Variants in NUAK1 observed in about 807,000 individuals in gnomAD.
NUAK1 encodes the protein NUAK family kinase 1, also known as NUAK family SNF1-like kinase 1.
In NUAK1, 26 loss-of-function variants were observed where a neutral mutation model predicts 56.9. That is an observed-to-expected ratio of 0.46 (90% CI 0.33 to 0.63). NUAK1 has a LOEUF of 0.63. Ranked by LOEUF, NUAK1 falls within the 30% of genes least tolerant of loss-of-function variation. The pLI is 0.02. For synonymous variants in NUAK1, 337 were observed against 336.0 expected (o/e 1.00, Z -0.03); for missense variants, 727 against 876.1 (o/e 0.83, Z 2.15).
chr12:106,121,870 T>G (rs1466911149), intron 1 of NUAK1, among the ~76,000 whole-genome samples: 1 of 152,104 alleles, frequency 6.6e-6, no homozygotes, highest in Non-Finnish European at 1.5e-5. Flanking sequence ...CACACACACA[T>G]GCACACACCC....
intron 2 of NUAK1, among the ~76,000 whole-genome samples, chr12:106,098,331 T>C (rs923755860): frequency 6.6e-6 from 1 of 152,174 alleles, no homozygotes; most frequent in African/African-American, 2.4e-5. Context: ...ATAACTTATC[T>C]TCTCGTGGGC....
rs1297627630 is a variant in NUAK1, at chr12:106,138,866, C to G, written c.-213G>C. The G allele has an allele frequency of 7.4e-6, 4 of 542,592 alleles. No homozygotes were observed. The highest frequency in any genetic ancestry group is 1.1e-5 in the Non-Finnish European group (4 of 356,008). The allele number at this position is 542,592 out of a possible 1,614,324, so 33.6% of individuals were successfully genotyped here. A position where few individuals can be genotyped will look rare whatever the true frequency, so the allele number is the denominator to read the frequency against. ...CGGCGCGCACGGTCCGCGCACCGCC[C>G]CCCGGCCGCGGCGAGCTGTGGAGCG... is the stretch of plus-strand genomic sequence containing the variant. On this transcript the variant is annotated 5_prime_UTR_variant, in exon 1 of 7. Coordinates refer to ENST00000261402, the MANE Select transcript of NUAK1 (RefSeq NM_014840.3). The surrounding 1 kb of genome is among the most constrained non-coding windows in gnomAD (Gnocchi z 5.0).
At chr12:106,108,875 C>T (rs770827475) in intron 1 of NUAK1, among the ~76,000 whole-genome samples, 6 of 152,194 alleles carry the variant, frequency 3.9e-5, no homozygotes, top group South Asian at 2.1e-4. Flanking sequence ...ATGGTGCAAT[C>T]GCCAGGGGAT....
intron 1 of NUAK1, among the ~76,000 whole-genome samples, chr12:106,107,745 CAAG>C (rs1338898818): frequency 3.3e-5 from 5 of 152,196 alleles, no homozygotes; most frequent in African/African-American, 1.2e-4. Context: ...AGCTCTCCAC[CAAG>C]CACTACAAAC....
chr12:106,066,629 C>G lies in NUAK1; in HGVS notation c.*173G>C. ...CAATTGACAGAACTGGCAGAAGAGC[C>G]CACCTCTCCCTTTTAGGTGTTGGCT... is the stretch of plus-strand genomic sequence containing the variant. On this transcript the variant is annotated 3_prime_UTR_variant, in exon 7 of 7. Coordinates refer to ENST00000261402, the MANE Select transcript of NUAK1 (RefSeq NM_014840.3). 1.5e-6 allele frequency: 1 copy of G among 656,990 alleles called. No individual in the cohort carries two copies. The highest frequency in any genetic ancestry group is 2.7e-6 in the Non-Finnish European group (1 of 374,198). The allele number at this position is 656,990 out of a possible 1,614,324, so 40.7% of individuals were successfully genotyped here.
chr12:106,067,664 T>A lies in NUAK1; in HGVS notation c.1124A>T (p.Asn375Ile). ...ATCCTGACCAGACTGAGCAAAGTCA[T>A]TCTCTTTCTTGGATTTCTTCAGCGA... ...QRSLKKSKKE[N>I]DFAQSGQDAV... Residue 375 changes from asparagine to isoleucine, a missense_variant, in exon 7 of 7, where the codon AAT becomes ATT. By Grantham distance (149) the Asn-to-Ile change is moderately radical. Transcript: ENST00000261402. The surrounding 1 kb of genome is among the most constrained non-coding windows in gnomAD (Gnocchi z 6.0). 1 of 1,614,234 alleles carries A rather than the reference T, an allele frequency of 6.2e-7. No individual in the cohort carries two copies. The highest frequency in any genetic ancestry group is 8.5e-7 in the Non-Finnish European group (1 of 1,180,032).
chr12:106,123,537 A>G (rs1207832963), intron 1 of NUAK1, among the ~76,000 whole-genome samples: 1 of 152,172 alleles, frequency 6.6e-6, no homozygotes. Context: ...GGAAATTACA[A>G]CAAAAGGCAA....
chr12:106,108,742 A>G (rs2032829899), intron 1 of NUAK1, among the ~76,000 whole-genome samples: 1 of 152,152 alleles, frequency 6.6e-6, no homozygotes, highest in South Asian at 2.1e-4. Flanking sequence ...CTCTATTGTC[A>G]AGTTACAATA....
Position 106,083,902 on chromosome 12 carries a change from G to A in NUAK1, c.541C>T (p.Leu181=), listed in dbSNP as rs2032544669. Residue 181 remains leucine, a synonymous_variant, in exon 4 of 7, where the codon CTG becomes TTG. Transcript: ENST00000261402. ...TTGTCATCGAGCAGTATATTTTCCA[G>A]CTTCAAGTCCCGGTGGACCACACCG... is the stretch of plus-strand genomic sequence containing the variant. ...KNGVVHRDLK[L]ENILLDDNCN... is the part of the protein sequence containing the mutation. 12 of 1,614,112 alleles carry A rather than the reference G, an allele frequency of 7.4e-6. No homozygotes were observed. The East Asian group carries it at 2.7e-4, about 36-fold the overall frequency.
At chr12:106,115,021 T>G (rs372163019) in intron 1 of NUAK1, among the ~76,000 whole-genome samples, 1 of 152,244 alleles carries the variant, frequency 6.6e-6, no homozygotes, top group Non-Finnish European at 1.5e-5. Context: ...GAAGACTGAT[T>G]TAATATCACC....
In NUAK1 at chr12:106,138,324, C is replaced by T; in HGVS notation, c.240+90G>A. The T allele has an allele frequency of 2.0e-6, 3 of 1,480,758 alleles. No individual in the cohort carries two copies. In the South Asian group the frequency reaches 4.1e-5, roughly 20 times the overall value. 91.7% of individuals were successfully genotyped at this position (1,480,758 alleles called of 1,614,324 possible). A position where few individuals can be genotyped will look rare whatever the true frequency, so the allele number is the denominator to read the frequency against. ...AGCCCCCTCTCTGTCAAGAGAGCCC[C>T]AGGGCGCACAGACCCCCGCCTCGCA... On this transcript the variant is annotated intron_variant, in intron 1 of 6. Coordinates refer to ENST00000261402, the MANE Select transcript of NUAK1 (RefSeq NM_014840.3). The surrounding 1 kb of genome is among the most constrained non-coding windows in gnomAD (Gnocchi z 5.0).
chr12:106,129,981 T>C (rs926275416), intron 1 of NUAK1, among the ~76,000 whole-genome samples: 6 of 152,144 alleles, frequency 3.9e-5, no homozygotes, highest in African/African-American at 1.4e-4. Flanking sequence ...TCATTCCTTT[T>C]TTTTTTCTCT....
rs1458958342 is a variant in NUAK1 at position 106,067,848 on chromosome 12, C to T, written c.940G>A (p.Val314Met). 11 of 1,614,212 alleles carry T rather than the reference C, an allele frequency of 6.8e-6. No homozygotes were observed. The highest frequency in any genetic ancestry group is 4.0e-5 in the African/African-American group (3 of 75,054). The change falls in exon 7 of 7, where the codon GTG becomes ATG. Residue 314 changes from valine to methionine, a missense_variant. Val to Met is a conservative substitution (Grantham distance 21, BLOSUM62 1). Transcript: ENST00000261402. The surrounding 1 kb of genome is among the most constrained non-coding windows in gnomAD (Gnocchi z 6.0). ...WWVNWGYKSS[V>M]CDCDALHDSE... The stretch of plus-strand genomic sequence containing the variant: ...TCATGGAGGGCATCACAGTCACACA[C>T]GCTGCTCTTATAGCCCCAGTTCACC...
At chr12:106,126,443 T>C (rs1592863402) in intron 1 of NUAK1, among the ~76,000 whole-genome samples, 1 of 152,320 alleles carries the variant, frequency 6.6e-6, no homozygotes, top group East Asian at 1.9e-4. Flanking sequence ...ACATGGGTTG[T>C]ATTCCTGCCA....
At chr12:106,102,674 G>A (rs1312226765) in intron 2 of NUAK1, among the ~76,000 whole-genome samples, 1 of 152,128 alleles carries the variant, frequency 6.6e-6, no homozygotes, top group African/African-American at 2.4e-5. Flanking sequence ...GAGCTTACCA[G>A]ATACATGTAT....
At chr12:106,072,175 C>T (rs991723893) in intron 5 of NUAK1, among the ~76,000 whole-genome samples, 2 of 147,938 alleles carry the variant, frequency 1.4e-5, no homozygotes, top group African/African-American at 5.2e-5. Flanking sequence ...AAGATATTTA[C>T]CCCAGAGTGA....
intron 1 of NUAK1, among the ~76,000 whole-genome samples, chr12:106,108,329 G>T (rs780745262): frequency 2.0e-5 from 3 of 152,176 alleles, no homozygotes; most frequent in Non-Finnish European, 2.9e-5. Context: ...AAACCCAGGG[G>T]CAGGCTCCAC....
At chr12:106,133,961 C>A (rs1294052242) in intron 1 of NUAK1, among the ~76,000 whole-genome samples, 1 of 152,144 alleles carries the variant, frequency 6.6e-6, no homozygotes, top group Non-Finnish European at 1.5e-5. Context: ...TCGAACTGAA[C>A]AGAATTAGTT....
intron 2 of NUAK1, among the ~76,000 whole-genome samples, chr12:106,094,025 T>C (rs1043462816): frequency 6.6e-6 from 1 of 151,656 alleles, no homozygotes; most frequent in Non-Finnish European, 1.5e-5. Context: ...CCCAGGCTGG[T>C]CTCAAACTCC....
Sources: gnomAD v4.1 joint callset for allele counts (sites outside exome capture counted in the v4.1 genomes callset) on GRCh38, gnomAD v4.1.1 for gene constraint, Gnocchi (gnomAD v3.1) non-coding constraint, MANE v1.5 for transcripts, NCBI Gene and HGNC (gene_info 2026-07-23, HGNC 2026-07-21) for gene names.